The following MAL variants were observed in gnomAD, a reference collection of about 807,000 sequenced individuals.
The protein encoded by MAL is mal, T cell differentiation protein (MAL blood group), also known as myelin and lymphocyte protein.
In MAL, 5 loss-of-function variants were observed where a neutral mutation model predicts 16.7. The observed-to-expected ratio is 0.30, with a 90% CI of 0.16 to 0.63. MAL has a LOEUF of 0.63. Ranked by LOEUF, MAL falls within the 30% of genes least tolerant of loss-of-function variation. The pLI is 0.82. For missense variants in MAL, 202 were observed against 195.8 expected, an observed-to-expected ratio of 1.03 and a Z score of -0.19; for synonymous variants, 96 against 85.5, an observed-to-expected ratio of 1.12 and a Z score of -0.67.
Position 95,025,830 on chromosome 2 carries a change from C to A in MAL, c.38C>A (p.Pro13His). The A allele has an allele frequency of 6.3e-7, 1 of 1,577,892 alleles. No homozygotes were observed. The highest frequency in any genetic ancestry group is 2.4e-5 in the East Asian group (1 of 42,170). Residue 13 changes from proline to histidine, a missense_variant, in exon 1 of 4, where the codon CCC (proline) becomes CAC (histidine). By Grantham distance (77) the Pro-to-His change is moderately conservative. Transcript: ENST00000309988. The surrounding 1 kb of genome is among the most constrained non-coding windows in gnomAD (Gnocchi z 5.6). ...PAAATGGSTL[P>H]SGFSVFTTLP... ...GCGGCGACGGGGGGCAGCACCCTGC[C>A]CAGTGGCTTCTCGGTCTTCACCACC...
chr2:95,053,392 C>T lies in MAL; in HGVS notation c.399C>T (p.Tyr133=). 3.1e-6 allele frequency: 5 copies of T among 1,612,732 alleles called. No individual in the cohort carries two copies. The highest frequency in any genetic ancestry group is 4.2e-6 in the Non-Finnish European group (5 of 1,178,888). ...TCTCTTGGTTCCAGGTGTTCTCCTA[C>T]ATAGCCACTCTGCTCTACGTGGTCC... ...HENIAAVVFS[Y]IATLLYVVHA... The change falls in exon 4 of 4, where the codon TAC becomes TAT. Residue 133 remains tyrosine (Y), a synonymous_variant. Coordinates refer to ENST00000309988, the MANE Select transcript of MAL (RefSeq NM_002371.4).
chr2:95,052,996 G>A (rs563470569), intron 3 of MAL: 28 of 188,360 alleles, frequency 1.5e-4, no homozygotes, highest in African/African-American at 5.1e-4. Flanking sequence ...GCTGGAGGGC[G>A]CTGGTCTCAC....
At chr2:95,036,392 C>G (rs1228864684) in intron 1 of MAL, among the ~76,000 whole-genome samples, 1 of 152,210 alleles carries the variant, frequency 6.6e-6, no homozygotes, top group Non-Finnish European at 1.5e-5. Flanking sequence ...TATCTGGTCA[C>G]CATTGCTCAG....
Position 95,038,363 on chromosome 2 carries a change from GCTAAGTGAGTGAGTGA to G in MAL, c.94-9579_94-9564del, listed in dbSNP as rs1422875684. Among the ~76,000 whole-genome samples, 12 of 118,744 alleles carry G rather than the reference GCTAAGTGAGTGAGTGA, an allele frequency of 1.0e-4. No homozygotes were observed. The South Asian group carries it at 2.1e-3, about 21-fold the overall frequency. The allele number at this position is 118,744 out of a possible 152,430, so 77.9% of individuals were successfully genotyped here. ...GAGTGAGTAACTGAGTGAGTGAGTG[GCTAAGTGAGTGAGTGA>G]CTAAGTGAGTGAGTGAGTGAGCAAG... On this transcript the variant is annotated intron_variant, in intron 1 of 3. Coordinates refer to ENST00000309988, the MANE Select transcript of MAL (RefSeq NM_002371.4).
chr2:95,053,426 T>C lies in MAL; in HGVS notation c.433T>C (p.Phe145Leu). ...TCTGCTCTACGTGGTCCATGCGGTG[T>C]TCTCTTTAATCAGATGGAAGTCTTC... ...ATLLYVVHAV[F>L]SLIRWKSS is the part of the protein sequence containing the mutation. The change falls in exon 4 of 4, where the codon TTC (phenylalanine) becomes CTC (leucine). Residue 145 changes from phenylalanine to leucine, a missense_variant. Coordinates refer to ENST00000309988, the MANE Select transcript of MAL (RefSeq NM_002371.4). 1 of 1,613,712 alleles carries C rather than the reference T, an allele frequency of 6.2e-7. No individual in the cohort carries two copies. Among genetic ancestry groups the C allele is most frequent in the Non-Finnish European group, 8.5e-7 (1 of 1,179,682 alleles).
chr2:95,026,939 A>G (rs1237291519), intron 1 of MAL, among the ~76,000 whole-genome samples: 1 of 152,150 alleles, frequency 6.6e-6, no homozygotes, highest in African/African-American at 2.4e-5. Flanking sequence ...GGAGCAGGTC[A>G]GTTCATCCAA....
chr2:95,039,520 CTGAG>C (rs970758526), intron 1 of MAL, among the ~76,000 whole-genome samples: 9 of 129,088 alleles, frequency 7.0e-5, no homozygotes, highest in Non-Finnish European at 1.1e-4. Flanking sequence ...GAGTGAGTGA[CTGAG>C]TGACTGAGTG....
intron 3 of MAL, among the ~76,000 whole-genome samples, chr2:95,052,128 G>A (rs947246784): frequency 2.6e-5 from 4 of 152,214 alleles, no homozygotes; most frequent in Non-Finnish European, 2.9e-5. Context: ...CGCCTGGGGC[G>A]AGATGGAAAT....
intron 1 of MAL, among the ~76,000 whole-genome samples, chr2:95,035,976 T>C (rs532367000): frequency 6.6e-6 from 1 of 152,308 alleles, no homozygotes; most frequent in South Asian, 2.1e-4. Flanking sequence ...GCAACAGCTC[T>C]TCGATCTTTT....
At chr2:95,027,894 A>G (rs928150993) in intron 1 of MAL, among the ~76,000 whole-genome samples, 63 of 152,196 alleles carry the variant, frequency 4.1e-4, no homozygotes, top group African/African-American at 1.4e-3. Context: ...CAAAAAGACA[A>G]CCCAATTAGA....
chr2:95,030,021 T>C (rs888711610), intron 1 of MAL, among the ~76,000 whole-genome samples: 1 of 152,178 alleles, frequency 6.6e-6, no homozygotes, highest in African/African-American at 2.4e-5. Flanking sequence ...ATGCCTGACC[T>C]CCCAACAGCC....
At position 95,048,070 on chromosome 2, in the gene MAL, T is replaced by C; in HGVS notation, c.205T>C (p.Leu69=). The change falls in exon 2 of 4, where the codon TTG becomes CTG. Residue 69 remains leucine, a synonymous_variant. Coordinates refer to ENST00000309988, the MANE Select transcript of MAL (RefSeq NM_002371.4). ...GTTCTGCTTCGTGGCCACCACCACC[T>C]TGATCATCCTGTACATAATTGGAGC... ...SVFCFVATTT[L]IILYIIGAHG... 6.2e-7 allele frequency: 1 copy of C among 1,613,862 alleles called. No homozygotes were observed. The highest frequency in any genetic ancestry group is 2.2e-5 in the East Asian group (1 of 44,852).
At chr2:95,049,093 C>G (rs554551736) in intron 2 of MAL, among the ~76,000 whole-genome samples, 1 of 152,318 alleles carries the variant, frequency 6.6e-6, no homozygotes, top group African/African-American at 2.4e-5. Context: ...TCTAGGATTA[C>G]AGTCATGAGC....
intron 1 of MAL, chr2:95,026,294 TA>T (rs1558654536): frequency 1.2e-5 from 2 of 163,470 alleles, no homozygotes; most frequent in South Asian, 4.1e-4. Context: ...AAGGTTTCGT[TA>T]AAAAAGAAAA....
intron 1 of MAL, among the ~76,000 whole-genome samples, chr2:95,043,597 C>T (rs373222064): frequency 6.6e-6 from 1 of 152,214 alleles, no homozygotes; most frequent in African/African-American, 2.4e-5. Context: ...GAGAAGACCG[C>T]GGCAAAGGCC....
rs1299398902 is a variant in MAL at position 95,030,434 on chromosome 2, C to T, written c.93+4549C>T. Among the ~76,000 whole-genome samples, 6 of 152,232 alleles carry T rather than the reference C, an allele frequency of 3.9e-5. No homozygotes were observed. In the East Asian group the frequency reaches 1.2e-3, roughly 29 times the overall value. On this transcript the variant is annotated intron_variant, in intron 1 of 3. Coordinates refer to ENST00000309988, the MANE Select transcript of MAL (RefSeq NM_002371.4). ...TGAGGAACTTTTCCTTTTGGAGCCA[C>T]TCTCTGTCTCTGTCTCCGTCTCCAT...
At position 95,048,142 on chromosome 2, in the gene MAL, G is replaced by A. The variant is rs746316841; in HGVS notation, c.261+16G>A. 2 of 1,600,738 alleles carry A rather than the reference G, an allele frequency of 1.2e-6. No individual in the cohort carries two copies. The highest frequency in any genetic ancestry group is 8.6e-7 in the Non-Finnish European group (1 of 1,167,988). ...GGTCACCTTGGTGAGTCCAGCCCAG[G>A]GTGGCTGCTGGTTGTAGGGGGGCGC... On this transcript the variant is annotated intron_variant, in intron 2 of 3. Coordinates refer to ENST00000309988, the MANE Select transcript of MAL (RefSeq NM_002371.4).
chr2:95,046,551 C>T (rs999119117), intron 1 of MAL, among the ~76,000 whole-genome samples: 12 of 152,196 alleles, frequency 7.9e-5, no homozygotes, highest in African/African-American at 2.7e-4. Context: ...ATGTGTCCAT[C>T]CACGGCGAGG....
chr2:95,040,222 T>C (rs1165366902), intron 1 of MAL, among the ~76,000 whole-genome samples: 1 of 151,428 alleles, frequency 6.6e-6, no homozygotes, highest in Non-Finnish European at 1.5e-5. Context: ...CACATACATA[T>C]ACACATGCAT....
Sources: gnomAD v4.1 joint callset for allele counts (sites outside exome capture counted in the v4.1 genomes callset) on GRCh38, gnomAD v4.1.1 for gene constraint, Gnocchi (gnomAD v3.1) non-coding constraint, MANE v1.5 for transcripts, NCBI Gene and HGNC (gene_info 2026-07-23, HGNC 2026-07-21) for gene names.